IGSF21: variants seen among roughly 807,000 people sequenced by gnomAD.
IGSF21 encodes immunoglobulin superfamily member 21.
IGSF21 carries 28 observed loss-of-function variants against 46.8 expected under a neutral mutation model. The ratio of observed to expected loss-of-function variants is 0.60; its 90% CI spans 0.44 to 0.82. The LOEUF (loss-of-function observed/expected upper bound fraction) is 0.82, where lower values mean the gene tolerates loss of function less well. Among genes scored for constraint, IGSF21 ranks in the 40% least tolerant of loss-of-function variants. The pLI, the probability that IGSF21 is intolerant of heterozygous loss-of-function variation, is 0.00. For missense variants in IGSF21, 624 were observed against 665.5 expected (o/e 0.94, Z 0.69); for synonymous variants, 284 against 273.6 (o/e 1.04, Z -0.38).
intron 2 of IGSF21, among the ~76,000 whole-genome samples, chr1:18,240,684 G>A (rs2084718647): frequency 6.6e-6 from 1 of 152,198 alleles, no homozygotes; most frequent in African/African-American, 2.4e-5. Flanking sequence ...TAGTTGATGA[G>A]GTTAATAACT....
intron 4 of IGSF21, among the ~76,000 whole-genome samples, chr1:18,342,897 T>C (rs1328670762): frequency 6.6e-6 from 1 of 152,232 alleles, no homozygotes; most frequent in Middle Eastern, 3.2e-3. Flanking sequence ...GCTATAAACA[T>C]TCACGTGCAA....
chr1:18,307,570 C>T (rs1213397198), intron 3 of IGSF21, among the ~76,000 whole-genome samples: 1 of 152,230 alleles, frequency 6.6e-6, no homozygotes, highest in Non-Finnish European at 1.5e-5. Context: ...TCAAACCCGC[C>T]TGCTGGGTGA....
intron 2 of IGSF21, among the ~76,000 whole-genome samples, chr1:18,256,952 G>A (rs1367546796): frequency 6.6e-6 from 1 of 152,132 alleles, no homozygotes; most frequent in East Asian, 1.9e-4. Context: ...TCCAGGAACT[G>A]GCTGACTCTC....
intron 1 of IGSF21, among the ~76,000 whole-genome samples, chr1:18,168,638 T>C (rs926950955): frequency 5.3e-5 from 8 of 152,194 alleles, no homozygotes; most frequent in Admixed American, 3.3e-4. Flanking sequence ...ACGCCTTATG[T>C]TGCAAGGGGC....
At chr1:18,137,550 G>A (rs1031106994) in intron 1 of IGSF21, among the ~76,000 whole-genome samples, 2 of 152,142 alleles carry the variant, frequency 1.3e-5, no homozygotes, top group African/African-American at 4.8e-5. Flanking sequence ...GTGAGAGGCA[G>A]CACCATATTT....
At chr1:18,297,586 C>G (rs1460157336) in intron 3 of IGSF21, among the ~76,000 whole-genome samples, 2 of 152,056 alleles carry the variant, frequency 1.3e-5, no homozygotes, top group African/African-American at 2.4e-5. Flanking sequence ...AACTGTCCCT[C>G]AGGATCCATG....
intron 1 of IGSF21, chr1:18,112,022 G>A (rs990189699): frequency 2.0e-5 from 3 of 152,326 alleles, no homozygotes; most frequent in African/African-American, 7.2e-5. Context: ...GCAGAGGACG[G>A]AGTAGGGGAA....
chr1:18,374,928 G>A (rs1214895893), intron 6 of IGSF21, among the ~76,000 whole-genome samples: 10 of 151,988 alleles, frequency 6.6e-5, no homozygotes, highest in African/African-American at 1.9e-4. Flanking sequence ...CCCTTCCTCC[G>A]GCCCTGGAAA....
intron 1 of IGSF21, among the ~76,000 whole-genome samples, chr1:18,151,654 G>A (rs1188754744): frequency 1.3e-5 from 2 of 152,076 alleles, no homozygotes; most frequent in Non-Finnish European, 2.9e-5. Context: ...GGATGTCTGG[G>A]GCCAGGCCTG....
intron 4 of IGSF21, among the ~76,000 whole-genome samples, chr1:18,343,247 T>C (rs556394541): frequency 4.6e-5 from 7 of 152,230 alleles, no homozygotes; most frequent in Non-Finnish European, 1.0e-4. Flanking sequence ...GACATCTTCT[T>C]TGGAGAAACA....
chr1:18,166,683 G>T (rs1044039136), intron 1 of IGSF21, among the ~76,000 whole-genome samples: 1 of 152,174 alleles, frequency 6.6e-6, no homozygotes, highest in African/African-American at 2.4e-5. Context: ...GGGGAAGGGG[G>T]ATGCAGAGTG....
At chr1:18,264,278 C>G (rs940605674) in intron 2 of IGSF21, among the ~76,000 whole-genome samples, 12 of 152,130 alleles carry the variant, frequency 7.9e-5, no homozygotes, top group Admixed American at 2.6e-4. Flanking sequence ...ATTTATGAAC[C>G]ACTTTTAGCA....
chr1:18,251,759 T>G (rs1285005116), intron 2 of IGSF21, among the ~76,000 whole-genome samples: 1 of 152,100 alleles, frequency 6.6e-6, no homozygotes, highest in Non-Finnish European at 1.5e-5. Context: ...CCAATCTTCC[T>G]GACTAGGAGA....
intron 1 of IGSF21, among the ~76,000 whole-genome samples, chr1:18,215,117 G>A (rs906406612): frequency 2.6e-5 from 4 of 152,116 alleles, no homozygotes; most frequent in African/African-American, 7.2e-5. Context: ...ATCTGCCCCC[G>A]TGATCCAGTC....
intron 2 of IGSF21, among the ~76,000 whole-genome samples, chr1:18,283,897 T>C (rs1223595830): frequency 6.6e-6 from 1 of 151,974 alleles, no homozygotes; most frequent in Non-Finnish European, 1.5e-5. Context: ...TGATGTTCAT[T>C]CCTATAAAAA....
rs2086334359 is a variant in IGSF21 at position 18,132,891 on chromosome 1, CAG to C, written c.70+24696_70+24697del. Among the ~76,000 whole-genome samples the C allele has an allele frequency of 1.5e-5, 2 of 129,196 alleles. 1 individual carries two copies. The highest frequency in any genetic ancestry group is 4.8e-4 in the South Asian group (2 of 4,150). The allele number at this position is 129,196 out of a possible 152,430, so 84.8% of individuals were successfully genotyped here. ...CGGGGTCTGGCCTGTGGGGCAGAAA[CAG>C]AGGCTCTGAGCAGGTGGAGGGAGTG... On this transcript the variant is annotated intron_variant, in intron 1 of 9. Coordinates refer to ENST00000251296, the MANE Select transcript of IGSF21 (RefSeq NM_032880.5).
At chr1:18,327,741 T>G (rs59004454) in intron 3 of IGSF21, among the ~76,000 whole-genome samples, 11,747 of 152,136 alleles carry the variant, frequency 0.077, 1,203 homozygotes, top group African/African-American at 0.24. Flanking sequence ...ATGAGGGGCA[T>G]AGATTATAAA....
chr1:18,280,739 C>T (rs1471392119), intron 2 of IGSF21, among the ~76,000 whole-genome samples: 2 of 152,124 alleles, frequency 1.3e-5, no homozygotes, highest in Non-Finnish European at 2.9e-5. Context: ...GACCCTCCCA[C>T]ACCAGGCCCT....
intron 1 of IGSF21, among the ~76,000 whole-genome samples, chr1:18,186,951 A>G (rs924819866): frequency 2.6e-5 from 4 of 152,190 alleles, no homozygotes; most frequent in African/African-American, 9.7e-5. Flanking sequence ...TCTTCAACAC[A>G]CTTATTTTTG....
Sources: gnomAD v4.1 joint callset for allele counts (sites outside exome capture counted in the v4.1 genomes callset) on GRCh38, gnomAD v4.1.1 for gene constraint, MANE v1.5 for transcripts, NCBI Gene and HGNC (gene_info 2026-07-23, HGNC 2026-07-21) for gene names.